CHSY3: variants seen among roughly 807,000 people sequenced by gnomAD.
CHSY3 encodes chondroitin sulfate synthase 3, also known as N-acetylgalactosaminyl-proteoglycan 3-beta-glucuronosyltransferase 3.
CHSY3 carries 35 observed loss-of-function variants against 67.2 expected under a neutral mutation model. That is an observed-to-expected ratio of 0.52 (90% confidence interval 0.40 to 0.69). CHSY3 has a LOEUF of 0.69. CHSY3 is among the 30% of genes least tolerant of loss of function. The pLI is 0.00. For missense variants in CHSY3, 1,069 were observed against 1,138.5 expected, an observed-to-expected ratio of 0.94 and a Z score of 0.88; for synonymous variants, 474 against 434.7, an observed-to-expected ratio of 1.09 and a Z score of -1.12.
intron 2 of CHSY3, among the ~76,000 whole-genome samples, chr5:130,063,907 C>A (rs183975037): frequency 8.5e-5 from 13 of 152,104 alleles, no homozygotes; most frequent in Non-Finnish European, 1.8e-4. Flanking sequence ...TTTCTTAATA[C>A]TATCACATTG....
At chr5:130,045,487 CAT>C (rs1765120315) in intron 2 of CHSY3, among the ~76,000 whole-genome samples, 1 of 151,990 alleles carries the variant, frequency 6.6e-6, no homozygotes, top group Non-Finnish European at 1.5e-5. Flanking sequence ...AAGTCTGAGT[CAT>C]AGTGAGTGTT....
At chr5:130,014,953 C>A (rs1302365923) in intron 2 of CHSY3, among the ~76,000 whole-genome samples, 1 of 152,072 alleles carries the variant, frequency 6.6e-6, no homozygotes, top group African/African-American at 2.4e-5. Context: ...ATTTGCAAAC[C>A]ATACATCTGA....
chr5:129,946,729 G>T (rs1228608023), intron 2 of CHSY3, among the ~76,000 whole-genome samples: 1 of 152,034 alleles, frequency 6.6e-6, no homozygotes, highest in Non-Finnish European at 1.5e-5. Flanking sequence ...TGTCCTCCAG[G>T]TTCATCCATG....
intron 2 of CHSY3, among the ~76,000 whole-genome samples, chr5:129,947,621 C>CA (rs56180180): frequency 7.1e-4 from 99 of 140,062 alleles, no homozygotes; most frequent in Middle Eastern, 3.7e-3. Flanking sequence ...GACTCCATCT[C>CA]AAAAAAAAAA....
At chr5:130,064,435 C>T (rs556047378) in intron 2 of CHSY3, among the ~76,000 whole-genome samples, 1 of 152,238 alleles carries the variant, frequency 6.6e-6, no homozygotes, top group African/African-American at 2.4e-5. Context: ...TTTAATTCTT[C>T]ACTGCCCATC....
intron 2 of CHSY3, among the ~76,000 whole-genome samples, chr5:129,939,244 A>G (rs904231157): frequency 9.9e-5 from 15 of 151,922 alleles, no homozygotes; most frequent in African/African-American, 1.5e-4. Flanking sequence ...TGTCTCCCCA[A>G]CCCCCGATTC....
At chr5:129,924,846 T>C (rs1761047090) in intron 2 of CHSY3, among the ~76,000 whole-genome samples, 1 of 151,912 alleles carries the variant, frequency 6.6e-6, no homozygotes. Flanking sequence ...ACACACAAAT[T>C]CCCAGCCTTT....
chr5:130,021,610 C>A (rs1764391540), intron 2 of CHSY3, among the ~76,000 whole-genome samples: 1 of 152,030 alleles, frequency 6.6e-6, no homozygotes, highest in Admixed American at 6.6e-5. Flanking sequence ...TACATATATA[C>A]AAACATCATA....
intron 2 of CHSY3, among the ~76,000 whole-genome samples, chr5:130,168,626 G>A (rs1315638817): frequency 6.6e-6 from 1 of 152,034 alleles, no homozygotes; most frequent in Non-Finnish European, 1.5e-5. Context: ...TTTAGACAAA[G>A]TTCTTCCAGT....
chr5:129,979,424 G>A (rs1204347618), intron 2 of CHSY3, among the ~76,000 whole-genome samples: 1 of 151,836 alleles, frequency 6.6e-6, no homozygotes, highest in Non-Finnish European at 1.5e-5. Flanking sequence ...CATAACAAAT[G>A]GTTCAATTAG....
At chr5:130,143,211 C>G (rs565070281) in intron 2 of CHSY3, among the ~76,000 whole-genome samples, 1 of 152,272 alleles carries the variant, frequency 6.6e-6, no homozygotes, top group South Asian at 2.1e-4. Flanking sequence ...TTCCTTTGAT[C>G]ATTGTCACAA....
chr5:130,181,863 T>G (rs931651259), intron 2 of CHSY3, among the ~76,000 whole-genome samples: 6 of 152,184 alleles, frequency 3.9e-5, no homozygotes, highest in African/African-American at 1.4e-4. Flanking sequence ...AGTATTTAAT[T>G]GATGTATTGT....
At chr5:130,095,298 A>T (rs1039274415) in intron 2 of CHSY3, among the ~76,000 whole-genome samples, 2 of 152,150 alleles carry the variant, frequency 1.3e-5, no homozygotes, top group African/African-American at 4.8e-5. Context: ...AGTAAAAAAT[A>T]CTCGGGGTCC....
chr5:130,097,601 G>A (rs1767091449), intron 2 of CHSY3, among the ~76,000 whole-genome samples: 1 of 152,110 alleles, frequency 6.6e-6, no homozygotes. Context: ...TAGTTCTTTG[G>A]TTTTCCTTTC....
chr5:130,040,035 G>A (rs911101017), intron 2 of CHSY3, among the ~76,000 whole-genome samples: 30 of 152,012 alleles, frequency 2.0e-4, no homozygotes, highest in South Asian at 4.1e-4. Context: ...TTATTCCATG[G>A]GGAACGTGAA....
intron 2 of CHSY3, among the ~76,000 whole-genome samples, chr5:130,028,169 A>G (rs867070696): frequency 6.6e-6 from 1 of 152,124 alleles, no homozygotes. Flanking sequence ...AAACTACTTT[A>G]AAGTTCATAT....
At chr5:130,083,069 C>G (rs1766495812) in intron 2 of CHSY3, among the ~76,000 whole-genome samples, 2 of 151,818 alleles carry the variant, frequency 1.3e-5, no homozygotes. Context: ...ACAGAGGTAA[C>G]AGAAATGAGG....
intron 2 of CHSY3, among the ~76,000 whole-genome samples, chr5:130,057,566 A>G (rs1311649068): frequency 6.6e-6 from 1 of 152,216 alleles, no homozygotes; most frequent in Non-Finnish European, 1.5e-5. Context: ...AGCACAGTTT[A>G]TCTTACTGTT....
At chr5:129,968,311 T>A (rs1398708893) in intron 2 of CHSY3, among the ~76,000 whole-genome samples, 1 of 151,906 alleles carries the variant, frequency 6.6e-6, no homozygotes, top group East Asian at 1.9e-4. Context: ...TTTTTAAATT[T>A]GAACATATAT....
Sources: allele counts gnomAD v4.1 joint callset (sites outside exome capture counted in the v4.1 genomes callset), GRCh38; gene constraint gnomAD v4.1.1; transcripts MANE v1.5; gene names NCBI Gene and HGNC (gene_info 2026-07-23, HGNC 2026-07-21).